AP1M1: variants seen among roughly 807,000 people sequenced by gnomAD.
AP1M1 encodes the protein AP-1 complex subunit mu-1.
AP1M1 carries 18 observed loss-of-function variants against 57.1 expected under a neutral mutation model. The observed-to-expected ratio is 0.32, with a 90% CI of 0.22 to 0.47. The LOEUF is 0.47. AP1M1 is among the 20% of genes least tolerant of loss of function. The pLI, the probability that AP1M1 is intolerant of heterozygous loss-of-function variation, is 1.00. For missense variants in AP1M1, 362 were observed against 593.5 expected, an observed-to-expected ratio of 0.61 and a Z score of 4.05; for synonymous variants, 241 against 237.9, an observed-to-expected ratio of 1.01 and a Z score of -0.12.
At position 16,237,848 on chromosome 19, in the gene AP1M1, AT is replaced by A. The variant is rs912674833; in HGVS notation, c.*3424del. On this transcript the variant is annotated 3_prime_UTR_variant, in exon 12 of 12. Coordinates refer to ENST00000291439, the MANE Select transcript of AP1M1 (RefSeq NM_032493.4). The stretch of plus-strand genomic sequence containing the variant: ...CATCATGTCGGCCCCCCCCAAAAAA[AT>A]TTTTTTTTTTGAGACAGGGTCTTGC... 9.6e-4 allele frequency: 142 copies of A among 148,286 alleles called. 3 individuals are homozygous for A. The highest frequency in any genetic ancestry group is 6.0e-3 in the East Asian group (30 of 5,034). 9.2% of individuals were successfully genotyped at this position (148,286 alleles called of 1,614,324 possible).
intron 4 of AP1M1, 104 bp downstream of exon 4, chr19:16,208,253 C>G: frequency 7.8e-7 from 1 of 1,290,068 alleles, no homozygotes; most frequent in South Asian, 1.5e-5. Flanking sequence ...TCATGTTGTC[C>G]CCCACCTGCC....
rs770696531 is a variant in AP1M1 at position 16,228,218 on chromosome 19, C to T, written c.888+10C>T. 12 of 1,612,824 alleles carry T rather than the reference C, an allele frequency of 7.4e-6. No individual in the cohort carries two copies. The East Asian group carries it at 2.5e-4, about 33-fold the overall frequency. ...CGAGTACATGATCAAGGTGCGTGGG[C>T]CGAGGCCACCCACTGAGGGCCTTCT... On this transcript the variant is annotated intron_variant, in intron 8 of 11. Coordinates refer to ENST00000291439, the MANE Select transcript of AP1M1 (RefSeq NM_032493.4). This position sits in a 1 kb window ranked among gnomAD's most constrained non-coding sequence, Gnocchi z 5.0.
intron 5 of AP1M1, among the ~76,000 whole-genome samples, chr19:16,224,262 TGTGGGGTGCAAA>T (rs907857528): frequency 1.6e-4 from 25 of 152,354 alleles, no homozygotes; most frequent in Admixed American, 5.2e-4. Context: ...ATCTGGGTGC[TGTGGGGTGCAAA>T]GGCAAGTCCC....
chr19:16,225,773 G>A (rs1599464146), intron 5 of AP1M1, among the ~76,000 whole-genome samples: 1 of 152,144 alleles, frequency 6.6e-6, no homozygotes, highest in Non-Finnish European at 1.5e-5. Flanking sequence ...ACTTCAGGGT[G>A]GCCCTGAGAA....
chr19:16,198,738 G>A (rs549807419), intron 1 of AP1M1, among the ~76,000 whole-genome samples: 2 of 152,216 alleles, frequency 1.3e-5, no homozygotes, highest in South Asian at 4.2e-4. Context: ...GATATCTGGG[G>A]AGCACCTACT....
chr19:16,206,897 G>T lies in AP1M1; in HGVS notation c.267+489G>T, dbSNP rs1454160865. Among the ~76,000 whole-genome samples, 1 of 152,210 alleles carries T rather than the reference G, an allele frequency of 6.6e-6. No individual in the cohort carries two copies. The highest frequency in any genetic ancestry group is 1.5e-5 in the Non-Finnish European group (1 of 68,034). On this transcript the variant is annotated intron_variant, in intron 3 of 11. Coordinates refer to ENST00000291439, the MANE Select transcript of AP1M1 (RefSeq NM_032493.4). The surrounding 1 kb of genome is among the most constrained non-coding windows in gnomAD (Gnocchi z 4.3). ...GGTGAAGGCGCCAGGACAGGTGTAT[G>T]TGTGGTGCAGCTAGGGAGGCCAGCG...
rs1255105848 is a variant in AP1M1 at position 16,198,197 on chromosome 19, A to G, written c.42+129A>G. The G allele has an allele frequency of 1.4e-5, 14 of 982,866 alleles. No individual in the cohort carries two copies. In the Admixed American group the frequency reaches 2.6e-4, roughly 18 times the overall value. 60.9% of individuals were successfully genotyped at this position (982,866 alleles called of 1,614,324 possible). A position where few individuals can be genotyped will look rare whatever the true frequency, so the allele number is the denominator to read the frequency against. On this transcript the variant is annotated intron_variant, in intron 1 of 11. Transcript: ENST00000291439. The stretch of plus-strand genomic sequence containing the variant: ...TGGTGTGAGGCAGAGAGGCCGGTAG[A>G]CCTCACCTGAGAGCCCCATCCTGTT...
rs1568358396 is a variant in AP1M1, at chr19:16,239,240, T to TC, written c.*4805_*4806insC. ...GAGCCACCGCGCCCGGCCAGTTCTC[T>TC]TTTTTTTTTTTTTTTTTTTTTTTTT... On this transcript the variant is annotated 3_prime_UTR_variant, in exon 12 of 12. Transcript: ENST00000291439. 9.4e-4 allele frequency: 7 copies of TC among 7,410 alleles called. No individual in the cohort carries two copies. Among genetic ancestry groups the TC allele is most frequent in the Non-Finnish European group, 1.2e-3 (4 of 3,320 alleles). 0.5% of individuals were successfully genotyped at this position (7,410 alleles called of 1,614,324 possible).
intron 1 of AP1M1, among the ~76,000 whole-genome samples, chr19:16,201,677 C>T (rs910276485): frequency 7.9e-5 from 12 of 152,150 alleles, no homozygotes; most frequent in South Asian, 4.1e-4. Context: ...GGATTACAGG[C>T]GTGAGCCACC....
At chr19:16,215,512 C>G (rs948980709) in intron 5 of AP1M1, among the ~76,000 whole-genome samples, 7 of 148,836 alleles carry the variant, frequency 4.7e-5, no homozygotes, top group African/African-American at 1.5e-4. Flanking sequence ...ATATAGGCCT[C>G]CAATCTCTTC....
rs1308642240 is a variant in AP1M1, at chr19:16,239,425, A to T, written c.*4990A>T. The T allele has an allele frequency of 6.7e-6, 1 of 149,480 alleles. No individual in the cohort carries two copies. The highest frequency in any genetic ancestry group is 6.7e-5 in the Admixed American group (1 of 14,908). The allele number at this position is 149,480 out of a possible 1,614,324, so 9.3% of individuals were successfully genotyped here. On this transcript the variant is annotated 3_prime_UTR_variant, in exon 12 of 12. Transcript: ENST00000291439. ...TGTCTCTAAAACAAACCAACAAAAC[A>T]CCCCCCAAAAATGACAATGCAGATT...
At chr19:16,222,818 T>C (rs1181931817) in intron 5 of AP1M1, among the ~76,000 whole-genome samples, 2 of 152,194 alleles carry the variant, frequency 1.3e-5, no homozygotes, top group African/African-American at 4.8e-5. Context: ...ACTTGCTGTG[T>C]TGCCCAGGCT....
intron 9 of AP1M1, among the ~76,000 whole-genome samples, chr19:16,232,684 C>A (rs1306954627): frequency 6.6e-6 from 1 of 152,224 alleles, no homozygotes. Context: ...TGCACGGGGA[C>A]CGCCCCTGCT....
Position 16,209,256 on chromosome 19 carries a change from C to T in AP1M1, c.546+79C>T, listed in dbSNP as rs1214465313. The T allele has an allele frequency of 2.6e-6, 4 of 1,546,266 alleles. No homozygotes were observed. In the African/African-American group the frequency reaches 5.5e-5, roughly 21 times the overall value. ...AATAAACACAGCATTTTAAAACTGG[C>T]AAAGCCCCGAGAGCCGTTCTGTGTG... On this transcript the variant is annotated intron_variant, in intron 5 of 11. Coordinates refer to ENST00000291439, the MANE Select transcript of AP1M1 (RefSeq NM_032493.4).
chr19:16,233,482 C>A lies in AP1M1; in HGVS notation c.1048-11C>A. On this transcript the variant is annotated splice_polypyrimidine_tract_variant and intron_variant, in intron 9 of 11. Coordinates refer to ENST00000291439, the MANE Select transcript of AP1M1 (RefSeq NM_032493.4). ...GCCTAGGCCTGAGCGCCTCCCCCGT[C>A]TGCTCCCCAGGGCGGCAAGGAGTAC... The A allele has an allele frequency of 6.3e-7, 1 of 1,592,700 alleles. No individual in the cohort carries two copies. The highest frequency in any genetic ancestry group is 1.1e-5 in the South Asian group (1 of 88,456).
chr19:16,199,396 T>A (rs2145108741), intron 1 of AP1M1, among the ~76,000 whole-genome samples: 1 of 152,284 alleles, frequency 6.6e-6, no homozygotes, highest in Non-Finnish European at 1.5e-5. Context: ...CTCTGCCTTC[T>A]CCTAAGTCCA....
rs2145151276 is a variant in AP1M1 at position 16,241,403 on chromosome 19, A to C, written c.*6968A>C. Reference sequence around the variant, plus strand: ...ACATAAGGAAAGGAAGAAAGATGTGAGAAGGAATGCCGGAAAACCTTAGAA... The same window carrying C: ...ACATAAGGAAAGGAAGAAAGATGTGCGAAGGAATGCCGGAAAACCTTAGAA... On this transcript the variant is annotated 3_prime_UTR_variant, in exon 12 of 12. Coordinates refer to ENST00000291439, the MANE Select transcript of AP1M1 (RefSeq NM_032493.4). 6.6e-6 allele frequency: 1 copy of C among 152,314 alleles called. No homozygotes were observed. The highest frequency in any genetic ancestry group is 6.5e-5 in the Admixed American group (1 of 15,282). 9.4% of individuals were successfully genotyped at this position (152,314 alleles called of 1,614,324 possible).
intron 5 of AP1M1, among the ~76,000 whole-genome samples, chr19:16,218,964 A>AT (rs1490247807): frequency 6.6e-6 from 1 of 151,994 alleles, no homozygotes; most frequent in Non-Finnish European, 1.5e-5. Context: ...GAGGGAGACC[A>AT]TTAAGTCTTT....
chr19:16,209,074 G>GGCCACCA lies in AP1M1; in HGVS notation c.450_456dup (p.Val153SerfsTer20). The GGCCACCA allele has an allele frequency of 6.2e-7, 1 of 1,614,164 alleles. No individual in the cohort carries two copies. Among genetic ancestry groups the GGCCACCA allele is most frequent in the Non-Finnish European group, 8.5e-7 (1 of 1,180,024 alleles). ...CACAAGCTGGAAACAGGGGCCCCGC[G>GGCCACCA]GCCACCAGCCACCGTCACCAACGCG... is the stretch of plus-strand genomic sequence containing the variant. On this transcript the variant is annotated frameshift_variant, in exon 5 of 12. Coordinates refer to ENST00000291439, the MANE Select transcript of AP1M1 (RefSeq NM_032493.4). LOFTEE classifies it high-confidence loss of function.
Sources: gnomAD v4.1 joint callset for allele counts (sites outside exome capture counted in the v4.1 genomes callset) on GRCh38, gnomAD v4.1.1 for gene constraint, Gnocchi (gnomAD v3.1) non-coding constraint, MANE v1.5 for transcripts, NCBI Gene and HGNC (gene_info 2026-07-23, HGNC 2026-07-21) for gene names.